Variants in FBN2 observed in about 807,000 individuals in gnomAD.
FBN2 encodes the protein fibrillin 2, also known as fibrillin-2.
In FBN2, 105 loss-of-function variants were observed where a neutral mutation model predicts 355.6. That is an observed-to-expected ratio of 0.30 (90% CI 0.25 to 0.35). The LOEUF is 0.35. FBN2 is among the 10% of genes least tolerant of loss of function. FBN2 has a pLI of 1.00. For missense variants in FBN2, 3,280 were observed against 3,758.7 expected (o/e 0.87, Z 3.33); for synonymous variants, 1,350 against 1,301.2 (o/e 1.04, Z -0.81).
At chr5:128,487,376 T>C (rs1214150036) in intron 5 of FBN2, among the ~76,000 whole-genome samples, 2 of 152,190 alleles carry the variant, frequency 1.3e-5, no homozygotes, top group Non-Finnish European at 2.9e-5. Context: ...TTGGTTGTTA[T>C]GATAGCATAA....
At position 128,481,391 on chromosome 5, in the gene FBN2, T is replaced by C. The variant is rs532372711; in HGVS notation, c.629-16470A>G. On this transcript the variant is annotated intron_variant, in intron 5 of 64. Transcript: ENST00000262464. The stretch of plus-strand genomic sequence containing the variant: ...TTATCTGTTTTTCAGATTATCTACC[T>C]GCAGCCTCTAACTTTTTGCCAGGAG... 2.0e-5 allele frequency among the ~76,000 whole-genome samples: 3 copies of C among 152,338 alleles called. No homozygotes were observed. The East Asian group carries it at 5.8e-4, about 29-fold the overall frequency.
At chr5:128,343,235 C>T (rs1250536955) in intron 25 of FBN2, among the ~76,000 whole-genome samples, 2 of 152,146 alleles carry the variant, frequency 1.3e-5, no homozygotes, top group African/African-American at 4.8e-5. Flanking sequence ...CAAGCAGCTT[C>T]AAGGACTTGG....
Position 128,303,190 on chromosome 5 carries a change from C to A in FBN2, c.5801-101G>T, listed in dbSNP as rs1561758857. 4.1e-5 allele frequency: 31 copies of A among 757,682 alleles called. 1 individual carries two copies. The highest frequency in any genetic ancestry group is 4.1e-4 in the South Asian group (29 of 70,888). The allele number at this position is 757,682 out of a possible 1,614,324, so 46.9% of individuals were successfully genotyped here. On this transcript the variant is annotated intron_variant, in intron 45 of 64. Coordinates refer to ENST00000262464, the MANE Select transcript of FBN2 (RefSeq NM_001999.4). ...AACTTATGGAATTACTTAGATTTTC[C>A]TCATTCAGTACTAGAAACTCATATC...
At chr5:128,356,249 C>T (rs1021439488) in intron 20 of FBN2, among the ~76,000 whole-genome samples, 3 of 152,124 alleles carry the variant, frequency 2.0e-5, no homozygotes, top group African/African-American at 7.2e-5. Context: ...CCAGCTGTAC[C>T]TCACTGGGAA....
At chr5:128,285,291 T>C (rs1749117601) in intron 55 of FBN2, among the ~76,000 whole-genome samples, 2 of 152,226 alleles carry the variant, frequency 1.3e-5, no homozygotes, top group Admixed American at 6.5e-5. Context: ...AAATACTTTT[T>C]CTTTGTAATA....
intron 62 of FBN2, among the ~76,000 whole-genome samples, chr5:128,268,872 C>A (rs1298201847): frequency 6.6e-6 from 1 of 152,110 alleles, no homozygotes; most frequent in East Asian, 1.9e-4. Flanking sequence ...TGGAATGTAT[C>A]TCAAAATAAT....
chr5:128,464,797 A>G lies in FBN2; in HGVS notation c.753T>C (p.Cys251=). ...ATIGRAWGHP[C]EMCPAQPQPC... ...GCTGAGGCTGGGCTGGACACATCTC[A>G]CAGGGATGGCCCCACGCCCGTCCAA... Residue 251 remains cysteine, a synonymous_variant, in exon 6 of 65, where the codon TGT becomes TGC. Coordinates refer to ENST00000262464, the MANE Select transcript of FBN2 (RefSeq NM_001999.4). 1.9e-6 allele frequency: 3 copies of G among 1,613,728 alleles called. No individual in the cohort carries two copies. Among genetic ancestry groups the G allele is most frequent in the Non-Finnish European group, 2.5e-6 (3 of 1,179,602 alleles).
intron 48 of FBN2, among the ~76,000 whole-genome samples, chr5:128,294,623 G>A (rs1455077448): frequency 2.7e-5 from 4 of 147,592 alleles, no homozygotes; most frequent in Non-Finnish European, 6.0e-5. Flanking sequence ...TTTTTTGGCT[G>A]CATAAATGTC....
intron 48 of FBN2, among the ~76,000 whole-genome samples, chr5:128,299,993 A>G (rs1403229606): frequency 6.6e-6 from 1 of 152,252 alleles, no homozygotes; most frequent in Non-Finnish European, 1.5e-5. Context: ...GTATCTAATT[A>G]TGTGGTCTGA....
At chr5:128,460,371 G>A (rs1267981944) in intron 6 of FBN2, among the ~76,000 whole-genome samples, 1 of 151,970 alleles carries the variant, frequency 6.6e-6, no homozygotes, top group African/African-American at 2.4e-5. Flanking sequence ...ACAAACAATG[G>A]AAAAACATTC....
intron 5 of FBN2, among the ~76,000 whole-genome samples, chr5:128,487,762 A>G (rs1256242607): frequency 6.6e-6 from 1 of 152,186 alleles, no homozygotes; most frequent in African/African-American, 2.4e-5. Flanking sequence ...AGAAAACCCA[A>G]TGATAAGAAA....
chr5:128,287,291 C>T lies in FBN2; in HGVS notation c.6880+17G>A, dbSNP rs2042327. 0.54 allele frequency: 873,852 copies of T among 1,612,308 alleles called. 247,531 individuals carry two copies. Among genetic ancestry groups the T allele is most frequent in the Non-Finnish European group, 0.57 (675,718 of 1,178,686 alleles). ...TGACAAATAAAGTTCGAACTACTCC[C>T]GAGTCTGAGGCCTTACCTTTGCACA... On this transcript the variant is annotated intron_variant, in intron 54 of 64. Coordinates refer to ENST00000262464, the MANE Select transcript of FBN2 (RefSeq NM_001999.4).
chr5:128,311,411 G>C lies in FBN2; in HGVS notation c.4963C>G (p.Gln1655Glu), dbSNP rs1561764454. Residue 1655 changes from glutamine to glutamate, a missense_variant, in exon 39 of 65, where the codon CAG (glutamine) becomes GAG (glutamate). Coordinates refer to ENST00000262464, the MANE Select transcript of FBN2 (RefSeq NM_001999.4). ...TIILEDIDEC[Q>E]ELPGLCQGGN... is the part of the protein sequence containing the mutation. ...CCCTGGCAGAGACCTGGTAACTCCTGGCATTCGTCAATGTCTACAAAAAGG... is the reference window on the plus strand; with the variant it reads ...CCCTGGCAGAGACCTGGTAACTCCTCGCATTCGTCAATGTCTACAAAAAGG... The C allele has an allele frequency of 6.2e-7, 1 of 1,614,050 alleles. No homozygotes were observed.
At chr5:128,488,995 T>A (rs1474893197) in intron 5 of FBN2, among the ~76,000 whole-genome samples, 4 of 152,200 alleles carry the variant, frequency 2.6e-5, no homozygotes, top group African/African-American at 9.7e-5. Flanking sequence ...GCATGATTTA[T>A]AGTCCTTTGG....
At chr5:128,416,411 T>C (rs949358443) in intron 7 of FBN2, among the ~76,000 whole-genome samples, 3 of 152,246 alleles carry the variant, frequency 2.0e-5, no homozygotes, top group African/African-American at 7.2e-5. Context: ...AAGCTTTTAG[T>C]TTAATAGAGT....
chr5:128,322,381 T>C, intron 34 of FBN2, among the ~76,000 whole-genome samples: 1 of 152,232 alleles, frequency 6.6e-6, no homozygotes, highest in East Asian at 1.9e-4. Flanking sequence ...TTCAGTGGTA[T>C]TGCCTAGGTT....
In FBN2 at chr5:128,531,356, G is replaced by T. The variant is rs572367962; in HGVS notation, c.338-663C>A. Among the ~76,000 whole-genome samples, 17 of 152,186 alleles carry T rather than the reference G, an allele frequency of 1.1e-4. No homozygotes were observed. The South Asian group carries it at 3.5e-3, about 32-fold the overall frequency. On this transcript the variant is annotated intron_variant, in intron 2 of 64. Transcript: ENST00000262464. Reference sequence around the variant, plus strand: ...GTTCTCACTGATATGTGGGAGCTAAGCTATGAGGACACAAAGGCATAAGAA... The same window carrying T: ...GTTCTCACTGATATGTGGGAGCTAATCTATGAGGACACAAAGGCATAAGAA...
At chr5:128,474,878 A>G (rs1469466617) in intron 5 of FBN2, among the ~76,000 whole-genome samples, 1 of 152,220 alleles carries the variant, frequency 6.6e-6, no homozygotes, top group Non-Finnish European at 1.5e-5. Context: ...GGTTGTCGTT[A>G]CTTGAGAATT....
chr5:128,523,430 G>A (rs1419536313), intron 4 of FBN2, among the ~76,000 whole-genome samples: 2 of 151,814 alleles, frequency 1.3e-5, no homozygotes, highest in South Asian at 4.2e-4. Context: ...GGCTGAATTG[G>A]GTCTCTGTTT....
Sources: gnomAD v4.1 joint callset for allele counts (sites outside exome capture counted in the v4.1 genomes callset) on GRCh38, gnomAD v4.1.1 for gene constraint, MANE v1.5 for transcripts, NCBI Gene and HGNC (gene_info 2026-07-23, HGNC 2026-07-21) for gene names.